Variants in PTPRD observed in about 807,000 individuals in gnomAD.
PTPRD encodes protein tyrosine phosphatase receptor type D.
In PTPRD, 34 loss-of-function variants were observed where a neutral mutation model predicts 214.5. The observed-to-expected ratio is 0.16, with a 90% confidence interval of 0.12 to 0.21. PTPRD has a LOEUF of 0.21. Ranked by LOEUF, PTPRD falls within the 10% of genes least tolerant of loss-of-function variation. The pLI, the probability that PTPRD is intolerant of heterozygous loss-of-function variation, is 1.00. For missense variants in PTPRD, 2,545 were observed against 2,398.7 expected (o/e 1.06, Z -1.27); for synonymous variants, 1,128 against 845.7 (o/e 1.33, Z -5.79).
At chr9:9,207,056 G>T in intron 9 of PTPRD, among the ~76,000 whole-genome samples, 1 of 152,148 alleles carries the variant, frequency 6.6e-6, no homozygotes, top group Non-Finnish European at 1.5e-5. Flanking sequence ...GAAGATTCTG[G>T]ATTTATTTTG....
chr9:10,195,467 G>A (rs957692009), intron 3 of PTPRD, among the ~76,000 whole-genome samples: 1 of 152,060 alleles, frequency 6.6e-6, no homozygotes, highest in African/African-American at 2.4e-5. Context: ...AATGAGATGT[G>A]AGAAATATCA....
intron 10 of PTPRD, among the ~76,000 whole-genome samples, chr9:9,055,602 C>A (rs923230098): frequency 6.6e-6 from 1 of 151,980 alleles, no homozygotes; most frequent in Non-Finnish European, 1.5e-5. Flanking sequence ...ATAATTCAGG[C>A]TCCAATTCAG....
chr9:9,695,307 C>T (rs1343118609), intron 7 of PTPRD, among the ~76,000 whole-genome samples: 2 of 152,132 alleles, frequency 1.3e-5, no homozygotes, highest in African/African-American at 2.4e-5. Flanking sequence ...TGTGACTGAG[C>T]TGGTATCCAT....
At chr9:9,158,467 G>C (rs1188297251) in intron 10 of PTPRD, among the ~76,000 whole-genome samples, 3 of 152,100 alleles carry the variant, frequency 2.0e-5, no homozygotes, top group African/African-American at 4.8e-5. Context: ...GGGCATGGTG[G>C]CACGTGCCTG....
At chr9:8,731,407 A>G (rs1810606009) in intron 12 of PTPRD, among the ~76,000 whole-genome samples, 1 of 152,230 alleles carries the variant, frequency 6.6e-6, no homozygotes, top group African/African-American at 2.4e-5. Flanking sequence ...GTAAAAGGGA[A>G]AACAAAGAAG....
At position 9,319,941 on chromosome 9, in the gene PTPRD, T is replaced by C. The variant is rs575729112; in HGVS notation, c.-203+77508A>G. ...AAGTCCTTTTTTAACAATAGTAAAG[T>C]GAAATAGTAGTGGCATTTTCACTTC... On this transcript the variant is annotated intron_variant, in intron 9 of 45. Coordinates refer to ENST00000381196, the MANE Select transcript of PTPRD (RefSeq NM_002839.4). Among the ~76,000 whole-genome samples, 7 of 152,258 alleles carry C rather than the reference T, an allele frequency of 4.6e-5. No individual in the cohort carries two copies. In the South Asian group the frequency reaches 1.4e-3, roughly 32 times the overall value.
At chr9:9,836,734 G>A (rs770210031) in intron 5 of PTPRD, among the ~76,000 whole-genome samples, 5 of 152,118 alleles carry the variant, frequency 3.3e-5, no homozygotes, top group Non-Finnish European at 5.9e-5. Flanking sequence ...ATTTGAGCAA[G>A]TTATATAAAC....
chr9:9,542,664 A>C (rs2077874838), intron 8 of PTPRD, among the ~76,000 whole-genome samples: 1 of 151,778 alleles, frequency 6.6e-6, no homozygotes, highest in Non-Finnish European at 1.5e-5. Flanking sequence ...AAGAATAGGC[A>C]CATCCTAAAA....
chr9:9,558,114 G>C (rs2081988812), intron 8 of PTPRD, among the ~76,000 whole-genome samples: 1 of 152,110 alleles, frequency 6.6e-6, no homozygotes, highest in Non-Finnish European at 1.5e-5. Context: ...AAGATGGACA[G>C]CTTTGGCTCT....
intron 5 of PTPRD, among the ~76,000 whole-genome samples, chr9:9,855,619 G>C (rs781670553): frequency 2.6e-5 from 4 of 152,164 alleles, no homozygotes; most frequent in Non-Finnish European, 4.4e-5. Context: ...AACAAAGCGG[G>C]AACTGGAGTG....
At chr9:9,212,886 T>C (rs989685622) in intron 9 of PTPRD, among the ~76,000 whole-genome samples, 12 of 152,136 alleles carry the variant, frequency 7.9e-5, no homozygotes, top group Admixed American at 2.0e-4. Flanking sequence ...TTCTATAGTA[T>C]GTGACTTGAG....
chr9:10,108,733 T>C (rs968545217), intron 3 of PTPRD, among the ~76,000 whole-genome samples: 42 of 152,030 alleles, frequency 2.8e-4, no homozygotes, highest in African/African-American at 9.4e-4. Flanking sequence ...TATCAGTGAA[T>C]GAATGGAAAA....
intron 7 of PTPRD, among the ~76,000 whole-genome samples, chr9:9,586,200 C>G (rs1024990144): frequency 6.6e-6 from 1 of 151,864 alleles, no homozygotes; most frequent in African/African-American, 2.4e-5. Context: ...TTCTTTTTCC[C>G]CTTCCAATTA....
At chr9:8,570,871 A>T (rs1045943295) in intron 14 of PTPRD, among the ~76,000 whole-genome samples, 3 of 151,954 alleles carry the variant, frequency 2.0e-5, no homozygotes, top group African/African-American at 7.2e-5. Flanking sequence ...ATTAATGGAT[A>T]AAGAGCTAGA....
At chr9:10,079,739 A>G (rs1244862762) in intron 3 of PTPRD, among the ~76,000 whole-genome samples, 1 of 152,144 alleles carries the variant, frequency 6.6e-6, no homozygotes, top group Non-Finnish European at 1.5e-5. Flanking sequence ...CTTTGGATAC[A>G]TTAAGGTTCG....
chr9:10,528,465 G>C (rs2055030345), intron 2 of PTPRD, among the ~76,000 whole-genome samples: 1 of 152,064 alleles, frequency 6.6e-6, no homozygotes. Flanking sequence ...TATAGAACCT[G>C]TTACAGTATA....
At chr9:10,594,217 A>T (rs1473011475) in intron 2 of PTPRD, among the ~76,000 whole-genome samples, 1 of 151,962 alleles carries the variant, frequency 6.6e-6, no homozygotes, top group Non-Finnish European at 1.5e-5. Flanking sequence ...TAGTTTTGAG[A>T]AAACATTTGT....
chr9:10,202,728 TTA>T (rs1173965341), intron 3 of PTPRD, among the ~76,000 whole-genome samples: 1 of 144,884 alleles, frequency 6.9e-6, no homozygotes, highest in African/African-American at 2.6e-5. Context: ...TATGTGTTAA[TTA>T]TATGTCAATG....
chr9:8,433,312 G>A (rs916844177), intron 35 of PTPRD, among the ~76,000 whole-genome samples: 1 of 152,200 alleles, frequency 6.6e-6, no homozygotes. Flanking sequence ...ATTAGGTACA[G>A]TACATAATAT....
Sources: allele counts gnomAD v4.1 joint callset (sites outside exome capture counted in the v4.1 genomes callset), GRCh38; gene constraint gnomAD v4.1.1; transcripts MANE v1.5; gene names NCBI Gene and HGNC (gene_info 2026-07-23, HGNC 2026-07-21).